The following BBS9 variants were observed in gnomAD, a reference collection of about 807,000 sequenced individuals.
BBS9 encodes the protein Bardet-Biedl syndrome 9.
A neutral mutation model predicts 117.7 loss-of-function variants in BBS9; 89 were observed. That is an observed-to-expected ratio of 0.76 (90% CI 0.64 to 0.90). The LOEUF (loss-of-function observed/expected upper bound fraction) is 0.90. Ranked by LOEUF, BBS9 falls within the 40% of genes least tolerant of loss-of-function variation. The probability of loss-of-function intolerance (pLI) is 0.00; values close to 1 mark genes in which losing one functional copy is unlikely to be tolerated. For synonymous variants in BBS9, 379 were observed against 370.9 expected, an observed-to-expected ratio of 1.02 and a Z score of -0.25; for missense variants, 982 against 1,042.2, an observed-to-expected ratio of 0.94 and a Z score of 0.80.
chr7:33,295,416 A>G (rs1805051621), intron 9 of BBS9, among the ~76,000 whole-genome samples: 1 of 61,396 alleles, frequency 1.6e-5, no homozygotes, highest in Non-Finnish European at 3.4e-5. Context: ...AGCAAAATTA[A>G]GAAATAATTT....
At chr7:33,155,557 C>G in intron 3 of BBS9, 81 bp from the exon 4 acceptor site, 2 of 924,764 alleles carry the variant, frequency 2.2e-6, no homozygotes, top group Non-Finnish European at 3.5e-6. Flanking sequence ...GTTATGAGAT[C>G]TTTTTGAAAT....
chr7:33,569,910 A>G (rs1258942121), intron 21 of BBS9, among the ~76,000 whole-genome samples: 1 of 152,238 alleles, frequency 6.6e-6, no homozygotes, highest in Non-Finnish European at 1.5e-5. Flanking sequence ...TACTAGTAGT[A>G]GTGAACATAC....
intron 19 of BBS9, among the ~76,000 whole-genome samples, chr7:33,401,090 C>G (rs934479841): frequency 6.6e-6 from 1 of 152,138 alleles, no homozygotes; most frequent in Non-Finnish European, 1.5e-5. Flanking sequence ...TATTAAATTT[C>G]AGAGAATTAG....
chr7:33,164,783 A>G (rs1042407635), intron 4 of BBS9, among the ~76,000 whole-genome samples: 6 of 152,068 alleles, frequency 3.9e-5, no homozygotes, highest in Admixed American at 1.3e-4. Flanking sequence ...ACTCTATCCA[A>G]TTTGCCAGTC....
chr7:33,326,367 G>T (rs966539982), intron 9 of BBS9, among the ~76,000 whole-genome samples: 1 of 151,888 alleles, frequency 6.6e-6, no homozygotes, highest in Non-Finnish European at 1.5e-5. Flanking sequence ...GATGAATGCT[G>T]CCAGGCTTGA....
At chr7:33,429,243 G>T (rs1370749754) in intron 19 of BBS9, among the ~76,000 whole-genome samples, 2 of 149,982 alleles carry the variant, frequency 1.3e-5, no homozygotes, top group African/African-American at 2.4e-5. Context: ...ATTTTGTGTT[G>T]CCACTCTCTC....
At chr7:33,336,189 C>T (rs192342719) in intron 9 of BBS9, among the ~76,000 whole-genome samples, 1 of 152,254 alleles carries the variant, frequency 6.6e-6, no homozygotes, top group African/African-American at 2.4e-5. Flanking sequence ...AGTTAGGTCC[C>T]CAAAAGTGGT....
At chr7:33,359,964 T>G (rs1820322320) in intron 16 of BBS9, among the ~76,000 whole-genome samples, 1 of 152,136 alleles carries the variant, frequency 6.6e-6, no homozygotes, top group African/African-American at 2.4e-5. Context: ...CATTACATTT[T>G]TCTAATCTTT....
chr7:33,320,255 C>T (rs897044996), intron 9 of BBS9, among the ~76,000 whole-genome samples: 3 of 152,052 alleles, frequency 2.0e-5, no homozygotes, highest in Non-Finnish European at 2.9e-5. Context: ...CCCTTCCCAG[C>T]CTCTGGTAAT....
intron 17 of BBS9, among the ~76,000 whole-genome samples, chr7:33,381,655 T>C (rs1233158921): frequency 6.6e-6 from 1 of 152,192 alleles, no homozygotes; most frequent in Non-Finnish European, 1.5e-5. Context: ...GTGGCATTTA[T>C]TTTAAAAAGT....
At chr7:33,257,559 A>G (rs1797290296) in intron 6 of BBS9, 149 bp downstream of exon 6, 3 of 766,188 alleles carry the variant, frequency 3.9e-6, no homozygotes, top group Non-Finnish European at 6.5e-6. Flanking sequence ...AGACTATATC[A>G]TTTACTATTG....
rs147392194 is a variant in BBS9 at position 33,424,354 on chromosome 7, T to C, written c.2115+36210T>C. Among the ~76,000 whole-genome samples, 860 of 152,254 alleles carry C rather than the reference T, an allele frequency of 5.6e-3. 7 individuals are homozygous for C. Among genetic ancestry groups the C allele is most frequent in the African/African-American group, 0.019 (803 of 41,540 alleles). On this transcript the variant is annotated intron_variant, in intron 19 of 22. Transcript: ENST00000242067. ...CTTGAAATGTATACATTTGACACTT[T>C]AGTAGTTCTGAAATTTGCTTTGGGT...
At chr7:33,236,582 A>G (rs1206503712) in intron 5 of BBS9, among the ~76,000 whole-genome samples, 2 of 151,900 alleles carry the variant, frequency 1.3e-5, no homozygotes, top group African/African-American at 4.8e-5. Context: ...AAAAATACAT[A>G]ATTTATAAAT....
At chr7:33,549,122 G>A (rs1451438818) in intron 21 of BBS9, among the ~76,000 whole-genome samples, 13 of 146,670 alleles carry the variant, frequency 8.9e-5, no homozygotes, top group South Asian at 2.2e-4. Flanking sequence ...AAATAACGCC[G>A]CATATCTACA....
chr7:33,560,205 C>T (rs774543460), intron 21 of BBS9, among the ~76,000 whole-genome samples: 9 of 152,238 alleles, frequency 5.9e-5, no homozygotes, highest in East Asian at 5.8e-4. Context: ...TGCTGCAGGA[C>T]GGATGGGTAT....
At chr7:33,206,853 G>A (rs1221734031) in intron 5 of BBS9, among the ~76,000 whole-genome samples, 2 of 152,036 alleles carry the variant, frequency 1.3e-5, no homozygotes, top group Admixed American at 6.6e-5. Context: ...CTAGGGATAG[G>A]CATTGCATTA....
rs148914486 is a variant in BBS9 at position 33,555,908 on chromosome 7, G to A, written c.2521+21732G>A. 8.5e-5 allele frequency among the ~76,000 whole-genome samples: 13 copies of A among 152,184 alleles called. No individual in the cohort carries two copies. In the East Asian group the frequency reaches 2.5e-3, roughly 29 times the overall value. The stretch of plus-strand genomic sequence containing the variant: ...CATATGCTTCAACTTAATAATTACT[G>A]CCAGTATATCTCATTGTCATTTCAT... On this transcript the variant is annotated intron_variant, in intron 21 of 22. Coordinates refer to ENST00000242067, the MANE Select transcript of BBS9 (RefSeq NM_198428.3).
intron 19 of BBS9, among the ~76,000 whole-genome samples, chr7:33,448,261 C>G (rs1395687347): frequency 6.6e-6 from 1 of 152,138 alleles, no homozygotes; most frequent in Non-Finnish European, 1.5e-5. Context: ...GTTCAGGCCT[C>G]TCTCCCTCCC....
chr7:33,207,386 GT>G (rs2128220287), intron 5 of BBS9, among the ~76,000 whole-genome samples: 1 of 152,054 alleles, frequency 6.6e-6, no homozygotes, highest in East Asian at 1.9e-4. Context: ...CTATTTATTT[GT>G]CTGCTTATTA....
Sources: allele counts gnomAD v4.1 joint callset (sites outside exome capture counted in the v4.1 genomes callset), GRCh38; gene constraint gnomAD v4.1.1; transcripts MANE v1.5; gene names NCBI Gene and HGNC (gene_info 2026-07-23, HGNC 2026-07-21).